The following PDE11A variants were observed in gnomAD, a reference collection of about 807,000 sequenced individuals.
PDE11A encodes phosphodiesterase 11A, also known as dual 3',5'-cyclic-AMP and -GMP phosphodiesterase 11A.
In PDE11A, 100 loss-of-function variants were observed where a neutral mutation model predicts 100.5. The ratio of observed to expected loss-of-function variants is 1.00; its 90% CI spans 0.85 to 1.18. The LOEUF (loss-of-function observed/expected upper bound fraction) is 1.18, where lower values mean the gene tolerates loss of function less well. PDE11A is among the 50% of genes most tolerant of loss of function. The pLI, the probability that PDE11A is intolerant of heterozygous loss-of-function variation, is 0.00. For missense variants in PDE11A, 1,141 were observed against 1,152.6 expected (o/e 0.99, Z 0.15); for synonymous variants, 381 against 420.8 (o/e 0.91, Z 1.16).
At chr2:177,820,104 A>G (rs1196224584) in intron 7 of PDE11A, 116 bp downstream of exon 7, 2 of 663,890 alleles carry the variant, frequency 3.0e-6, no homozygotes, top group African/African-American at 3.7e-5. Context: ...TGTGAGACAT[A>G]GTTTGATGAG....
At chr2:177,889,442 G>A (rs1031301343) in intron 4 of PDE11A, among the ~76,000 whole-genome samples, 5 of 151,822 alleles carry the variant, frequency 3.3e-5, no homozygotes, top group African/African-American at 1.2e-4. Flanking sequence ...ATCCAAGATT[G>A]CCTTTATTTC....
At chr2:177,735,852 T>C (rs1438039) in intron 10 of PDE11A, among the ~76,000 whole-genome samples, 105,767 of 152,140 alleles carry the variant, frequency 0.7, 38,770 homozygotes, top group East Asian at 0.86. Flanking sequence ...TTGGCTCCCT[T>C]GACCCCTGGT....
chr2:177,809,529 G>T (rs2082917717), intron 9 of PDE11A, among the ~76,000 whole-genome samples: 1 of 152,084 alleles, frequency 6.6e-6, no homozygotes, highest in African/African-American at 2.4e-5. Context: ...AGAAAATGTT[G>T]GTGTCTGACA....
At position 177,738,939 on chromosome 2, in the gene PDE11A, T is replaced by C. The variant is rs139063596; in HGVS notation, c.1789-10767A>G. Among the ~76,000 whole-genome samples the C allele has an allele frequency of 2.6e-5, 4 of 152,378 alleles. No individual in the cohort carries two copies. In the East Asian group the frequency reaches 7.7e-4, roughly 29 times the overall value. ...GACCACATGAGTTGGTTTAGCACTT[T>C]AGTGTCAAACAGCTAAGCCTAATGA... On this transcript the variant is annotated intron_variant, in intron 10 of 19. Transcript: ENST00000286063.
chr2:177,950,313 T>C (rs6731030), intron 2 of PDE11A, among the ~76,000 whole-genome samples: 23,782 of 152,022 alleles, frequency 0.16, 1,919 homozygotes, highest in Middle Eastern at 0.27. Context: ...TCTTACCTCT[T>C]GTTTTAGCTC....
intron 5 of PDE11A, among the ~76,000 whole-genome samples, chr2:177,853,714 T>TGTGTGTG (rs1558974124): frequency 1.2e-4 from 2 of 16,286 alleles, no homozygotes; most frequent in African/African-American, 3.4e-4. Flanking sequence ...GTGTGTGTGT[T>TGTGTGTG]TGTGTGTGTG....
chr2:177,775,925 T>C (rs1291149341), intron 9 of PDE11A, among the ~76,000 whole-genome samples: 3 of 152,226 alleles, frequency 2.0e-5, no homozygotes, highest in Non-Finnish European at 4.4e-5. Flanking sequence ...AAGGCAAGGA[T>C]TGGTCTAGTT....
At position 177,890,539 on chromosome 2, in the gene PDE11A, G is replaced by A. The variant is rs1027192118; in HGVS notation, c.1302+7519C>T. Among the ~76,000 whole-genome samples, 7 of 152,276 alleles carry A rather than the reference G, an allele frequency of 4.6e-5. No individual in the cohort carries two copies. In the South Asian group the frequency reaches 1.2e-3, roughly 27 times the overall value. The stretch of plus-strand genomic sequence containing the variant: ...TTAAGTAGCCCTCCCAACCTTATAT[G>A]GGGTGGAAGTGGAGTGATGACTTGT... On this transcript the variant is annotated intron_variant, in intron 4 of 19. Coordinates refer to ENST00000286063, the MANE Select transcript of PDE11A (RefSeq NM_016953.4).
intron 5 of PDE11A, among the ~76,000 whole-genome samples, chr2:177,842,487 G>A (rs975174015): frequency 6.6e-6 from 1 of 152,186 alleles, no homozygotes; most frequent in South Asian, 2.1e-4. Flanking sequence ...AGAGGCCAAG[G>A]CTCAAAGGTG....
At chr2:177,984,082 T>C (rs115574812) in intron 2 of PDE11A, among the ~76,000 whole-genome samples, 2 of 152,188 alleles carry the variant, frequency 1.3e-5, no homozygotes, top group African/African-American at 4.8e-5. Flanking sequence ...ACCAAAACGA[T>C]TATCTCTTGC....
intron 2 of PDE11A, among the ~76,000 whole-genome samples, chr2:177,955,854 CAT>C (rs2085554893): frequency 6.6e-6 from 1 of 152,148 alleles, no homozygotes; most frequent in South Asian, 2.1e-4. Context: ...ACTGGCTAGA[CAT>C]ATGTAGAAAG....
At position 178,054,811 on chromosome 2, in the gene PDE11A, C is replaced by T. The variant is rs574919349; in HGVS notation, c.912+16715G>A. On this transcript the variant is annotated intron_variant, in intron 1 of 19. Coordinates refer to ENST00000286063, the MANE Select transcript of PDE11A (RefSeq NM_016953.4). ...AACCACAATGAGATACCATCTCACACCAGTTAGAATGGACATCATTAAAAA... is the reference window on the plus strand; with the variant it reads ...AACCACAATGAGATACCATCTCACATCAGTTAGAATGGACATCATTAAAAA... 2.6e-5 allele frequency among the ~76,000 whole-genome samples: 4 copies of T among 152,270 alleles called. No individual in the cohort carries two copies. In the East Asian group the frequency reaches 5.8e-4, roughly 22 times the overall value.
At chr2:178,075,258 A>G (rs969636891), upstream of PDE11A, among the ~76,000 whole-genome samples, 2 of 152,162 alleles carry the variant, frequency 1.3e-5, no homozygotes, top group African/African-American at 4.8e-5. Context: ...CAGCCCATCA[A>G]AAGGCATCAA....
At chr2:177,969,330 C>T (rs1052210742) in intron 2 of PDE11A, among the ~76,000 whole-genome samples, 1 of 152,024 alleles carries the variant, frequency 6.6e-6, no homozygotes, top group Non-Finnish European at 1.5e-5. Context: ...GGGCTGAAAA[C>T]CTAGATGATG....
rs150509041 is a variant in PDE11A at position 177,861,601 on chromosome 2, C to T, written c.1367+14258G>A. Among the ~76,000 whole-genome samples, 3 of 151,816 alleles carry T rather than the reference C, an allele frequency of 2.0e-5. No homozygotes were observed. In the East Asian group the frequency reaches 5.8e-4, roughly 29 times the overall value. On this transcript the variant is annotated intron_variant, in intron 5 of 19. Coordinates refer to ENST00000286063, the MANE Select transcript of PDE11A (RefSeq NM_016953.4). Reference sequence around the variant, plus strand: ...AAAATTAATATGGACATACAAGAGACCTAAAATAGTCAAAATGATCTTCAA... The same window carrying T: ...AAAATTAATATGGACATACAAGAGATCTAAAATAGTCAAAATGATCTTCAA...
chr2:177,647,656 C>T (rs59963196), intron 19 of PDE11A, among the ~76,000 whole-genome samples: 14,896 of 152,216 alleles, frequency 0.098, 913 homozygotes, highest in East Asian at 0.19. Flanking sequence ...GAGGAACCAT[C>T]AAGTCCATGA....
intron 2 of PDE11A, among the ~76,000 whole-genome samples, chr2:177,967,068 G>A (rs1045001362): frequency 1.1e-4 from 17 of 151,804 alleles, no homozygotes; most frequent in African/African-American, 4.1e-4. Flanking sequence ...ATTGTTTACT[G>A]GTTCATTCCT....
chr2:178,053,349 T>C (rs2086853590), intron 1 of PDE11A, among the ~76,000 whole-genome samples: 1 of 152,230 alleles, frequency 6.6e-6, no homozygotes, highest in South Asian at 2.1e-4. Flanking sequence ...AATAAGGTAT[T>C]GATGGGATGT....
At chr2:177,889,506 T>C (rs1432739731) in intron 4 of PDE11A, among the ~76,000 whole-genome samples, 1 of 152,158 alleles carries the variant, frequency 6.6e-6, no homozygotes, top group African/African-American at 2.4e-5. Flanking sequence ...CTGTTCCATT[T>C]GCCATGTTCT....
Sources: gnomAD v4.1 joint callset for allele counts (sites outside exome capture counted in the v4.1 genomes callset) on GRCh38, gnomAD v4.1.1 for gene constraint, MANE v1.5 for transcripts, NCBI Gene and HGNC (gene_info 2026-07-23, HGNC 2026-07-21) for gene names.